The following WDR37 variants were observed in gnomAD, a reference collection of about 807,000 sequenced individuals.
The protein encoded by WDR37 is WD repeat-containing protein 37.
WDR37 carries 19 observed loss-of-function variants against 62.9 expected under a neutral mutation model. That is an observed-to-expected ratio of 0.30 (90% CI 0.21 to 0.44). The LOEUF (loss-of-function observed/expected upper bound fraction) is 0.44. WDR37 is among the 20% of genes least tolerant of loss of function. WDR37 has a pLI of 1.00. For missense variants in WDR37, 474 were observed against 657.6 expected (o/e 0.72, Z 3.05); for synonymous variants, 250 against 260.9 (o/e 0.96, Z 0.40).
chr10:1,061,942 A>G (rs1012988256), intron 1 of WDR37, among the ~76,000 whole-genome samples: 4 of 151,914 alleles, frequency 2.6e-5, no homozygotes, highest in African/African-American at 9.7e-5. Flanking sequence ...ATATCTTACT[A>G]TGTATATGCG....
intron 13 of WDR37, among the ~76,000 whole-genome samples, chr10:1,126,258 C>T (rs59259654): frequency 0.35 from 52,842 of 151,584 alleles, 10,092 homozygotes; most frequent in East Asian, 0.53. Context: ...ACAAAAAAAT[C>T]AGCCAGGCGT....
intron 11 of WDR37, among the ~76,000 whole-genome samples, chr10:1,116,922 T>C (rs1253667793): frequency 3.1e-5 from 4 of 129,620 alleles, no homozygotes; most frequent in Admixed American, 7.2e-5. Context: ...CCTTGTCTCT[T>C]ACCAGCAGAG....
At chr10:1,110,484 A>T (rs1835178191) in intron 11 of WDR37, among the ~76,000 whole-genome samples, 1 of 152,238 alleles carries the variant, frequency 6.6e-6, no homozygotes, top group Non-Finnish European at 1.5e-5. Context: ...AGAGTGCGTG[A>T]TCCTTACAAA....
At chr10:1,073,979 G>A (rs988888310) in intron 2 of WDR37, among the ~76,000 whole-genome samples, 41 of 152,362 alleles carry the variant, frequency 2.7e-4, no homozygotes, top group African/African-American at 9.4e-4. Flanking sequence ...TATGCGGCAG[G>A]ACTCCTGTGG....
chr10:1,124,641 G>T (rs186708018), intron 12 of WDR37, among the ~76,000 whole-genome samples: 349 of 147,808 alleles, frequency 2.4e-3, no homozygotes, highest in Non-Finnish European at 3.7e-3. Context: ...GGGTGGGTCT[G>T]GTTCTACCAT....
intron 13 of WDR37, among the ~76,000 whole-genome samples, chr10:1,127,456 A>G (rs1835826450): frequency 1.3e-5 from 2 of 150,704 alleles, no homozygotes; most frequent in Admixed American, 6.6e-5. Context: ...CCCTGCTGGA[A>G]ATCACTGACT....
chr10:1,092,609 C>T (rs933009561), intron 7 of WDR37, among the ~76,000 whole-genome samples: 5 of 151,754 alleles, frequency 3.3e-5, no homozygotes, highest in African/African-American at 1.2e-4. Flanking sequence ...CTGCCCGCCT[C>T]GGCCTCCCAA....
At chr10:1,118,831 C>G (rs368158741) in intron 11 of WDR37, among the ~76,000 whole-genome samples, 17 of 152,304 alleles carry the variant, frequency 1.1e-4, no homozygotes, top group African/African-American at 3.9e-4. Context: ...GGCCCCGCAG[C>G]CTGGGCGTTA....
At chr10:1,085,614 C>G (rs1834175122) in intron 6 of WDR37, among the ~76,000 whole-genome samples, 1 of 152,206 alleles carries the variant, frequency 6.6e-6, no homozygotes, top group African/African-American at 2.4e-5. Flanking sequence ...GTTAATCACT[C>G]ACTGGACTCT....
Position 1,086,313 on chromosome 10 carries a change from A to C in WDR37, c.560A>C (p.Glu187Ala). 1 of 1,614,206 alleles carries C rather than the reference A, an allele frequency of 6.2e-7. No individual in the cohort carries two copies. Among genetic ancestry groups the C allele is most frequent in the Non-Finnish European group, 8.5e-7 (1 of 1,180,022 alleles). The change falls in exon 7 of 14, where the codon GAG (glutamate) becomes GCG (alanine). Residue 187 changes from glutamate (E) to alanine (A), a missense_variant. Physicochemically the swap from Glu to Ala is moderately radical, Grantham distance 107. Transcript: ENST00000263150. ...CACACGGCTTTGCTGTGGAGCATAG[A>C]GACAGGGAAGTGCCTAGTCAAGTAC... ...ADHTALLWSIETGKCLVKYAG... is the reference protein window; with the variant it reads ...ADHTALLWSIATGKCLVKYAG...
intron 1 of WDR37, among the ~76,000 whole-genome samples, chr10:1,059,999 C>T (rs371835345): frequency 2.2e-4 from 34 of 151,948 alleles, no homozygotes; most frequent in African/African-American, 4.8e-4. Context: ...ACCATCACGC[C>T]CAGCTGATTT....
intron 11 of WDR37, among the ~76,000 whole-genome samples, chr10:1,117,985 C>T (rs1187649633): frequency 7.0e-6 from 1 of 143,284 alleles, no homozygotes; most frequent in Admixed American, 6.9e-5. Flanking sequence ...TGCACTCAGC[C>T]ACCCTCAGCC....
chr10:1,056,427 C>G lies in WDR37; in HGVS notation c.-582C>G, dbSNP rs909455299. 6.6e-6 allele frequency: 1 copy of G among 152,188 alleles called. No homozygotes were observed. The highest frequency in any genetic ancestry group is 1.5e-5 in the Non-Finnish European group (1 of 68,064). The allele number at this position is 152,188 out of a possible 1,614,324, so 9.4% of individuals were successfully genotyped here. On this transcript the variant is annotated 5_prime_UTR_variant, in exon 1 of 14. Coordinates refer to ENST00000263150, the MANE Select transcript of WDR37 (RefSeq NM_014023.4). ...CACTGACCGCGCCGTCCCCGCCAGGCTCCCGCGCGGCCGGCACCGCGGCCC... is the reference window on the plus strand; with the variant it reads ...CACTGACCGCGCCGTCCCCGCCAGGGTCCCGCGCGGCCGGCACCGCGGCCC...
intron 1 of WDR37, among the ~76,000 whole-genome samples, chr10:1,071,044 A>G (rs1318438884): frequency 6.6e-6 from 1 of 152,238 alleles, no homozygotes; most frequent in Non-Finnish European, 1.5e-5. Flanking sequence ...GTAAGTCACC[A>G]TTGTAACTGT....
At chr10:1,126,387 C>T (rs1446790135) in intron 13 of WDR37, among the ~76,000 whole-genome samples, 4 of 145,290 alleles carry the variant, frequency 2.8e-5, no homozygotes, top group Non-Finnish European at 4.5e-5. Flanking sequence ...GCCTGGGCGA[C>T]AGAGCGAGAC....
At chr10:1,082,080 A>G (rs1212952801) in intron 5 of WDR37, among the ~76,000 whole-genome samples, 1 of 152,238 alleles carries the variant, frequency 6.6e-6, no homozygotes, top group Non-Finnish European at 1.5e-5. Flanking sequence ...CACACTGCCC[A>G]TACCCATTGT....
At position 1,072,105 on chromosome 10, in the gene WDR37, G is replaced by A; in HGVS notation, c.-40-11G>A. On this transcript the variant is annotated splice_polypyrimidine_tract_variant and intron_variant, in intron 1 of 13. Coordinates refer to ENST00000263150, the MANE Select transcript of WDR37 (RefSeq NM_014023.4). The stretch of plus-strand genomic sequence containing the variant: ...TGTATCAGAAACACTGTTTTTTCTT[G>A]CTGTTTTTAGCTTATTGCAGGAGTG... 6.4e-7 allele frequency: 1 copy of A among 1,571,294 alleles called. No homozygotes were observed. The highest frequency in any genetic ancestry group is 8.6e-7 in the Non-Finnish European group (1 of 1,159,852).
At chr10:1,099,012 A>G (rs1834698370) in intron 9 of WDR37, among the ~76,000 whole-genome samples, 1 of 152,224 alleles carries the variant, frequency 6.6e-6, no homozygotes, top group African/African-American at 2.4e-5. Flanking sequence ...GTTTATCATC[A>G]CATCAACTAA....
intron 2 of WDR37, chr10:1,074,395 G>A (rs1195483459): frequency 1.1e-5 from 14 of 1,298,454 alleles, no homozygotes; most frequent in African/African-American, 3.0e-5. Flanking sequence ...TCTCCAAGCC[G>A]CACGGCCTCG....
Sources: gnomAD v4.1 joint callset for allele counts (sites outside exome capture counted in the v4.1 genomes callset) on GRCh38, gnomAD v4.1.1 for gene constraint, MANE v1.5 for transcripts, NCBI Gene and HGNC (gene_info 2026-07-23, HGNC 2026-07-21) for gene names.